Variants in GALNT13 observed in about 807,000 individuals in gnomAD.
GALNT13 encodes the protein polypeptide N-acetylgalactosaminyltransferase 13.
A neutral mutation model predicts 64.2 loss-of-function variants in GALNT13; 28 were observed. That is an observed-to-expected ratio of 0.44 (90% confidence interval 0.32 to 0.60). The LOEUF (loss-of-function observed/expected upper bound fraction) is 0.60, where lower values mean the gene tolerates loss of function less well. Among genes scored for constraint, GALNT13 ranks in the 20% least tolerant of loss-of-function variants. The pLI, the probability that GALNT13 is intolerant of heterozygous loss-of-function variation, is 0.05. For missense variants in GALNT13, 577 were observed against 669.8 expected (o/e 0.86, Z 1.53); for synonymous variants, 214 against 224.6 (o/e 0.95, Z 0.42).
At chr2:153,544,612 A>C in the GALNT13 span, among the ~76,000 whole-genome samples, 1 of 152,326 alleles carries the variant, frequency 6.6e-6, no homozygotes, top group East Asian at 1.9e-4. Context: ...AAACTAAGAA[A>C]AATTTTTGTC....
At chr2:153,125,682 T>G in the GALNT13 span, among the ~76,000 whole-genome samples, 2 of 152,220 alleles carry the variant, frequency 1.3e-5, no homozygotes, top group African/African-American at 4.8e-5. Context: ...AATGTAATTA[T>G]GTGAAATACA....
chr2:153,358,467 A>G, the GALNT13 span, among the ~76,000 whole-genome samples: 1 of 152,172 alleles, frequency 6.6e-6, no homozygotes, highest in Admixed American at 6.5e-5. Flanking sequence ...CTCCCAGATA[A>G]TTGGTACCTG....
At chr2:154,202,386 C>G (rs745390690) in intron 4 of GALNT13, among the ~76,000 whole-genome samples, 41 of 152,028 alleles carry the variant, frequency 2.7e-4, no homozygotes, top group Non-Finnish European at 5.0e-4. Flanking sequence ...TCCTTGAGAT[C>G]ACACTTCTAC....
intron 8 of GALNT13, among the ~76,000 whole-genome samples, chr2:154,295,758 G>A (rs1692887064): frequency 6.6e-6 from 1 of 152,062 alleles, no homozygotes; most frequent in Admixed American, 6.6e-5. Flanking sequence ...CTAGGCCCAT[G>A]ATGAAAGAGG....
intron 3 of GALNT13, among the ~76,000 whole-genome samples, chr2:154,042,890 G>A (rs1699062268): frequency 6.6e-6 from 1 of 151,902 alleles, no homozygotes; most frequent in Admixed American, 6.6e-5. Context: ...ATCTTAGTCT[G>A]GCGGGAAGGC....
the GALNT13 span, among the ~76,000 whole-genome samples, chr2:153,847,669 T>C: frequency 6.6e-6 from 1 of 152,102 alleles, no homozygotes; most frequent in East Asian, 1.9e-4. Context: ...GAAAATATTT[T>C]GAGTTAAGTG....
the GALNT13 span, among the ~76,000 whole-genome samples, chr2:153,265,560 T>C: frequency 6.6e-6 from 1 of 152,174 alleles, no homozygotes; most frequent in Non-Finnish European, 1.5e-5. Flanking sequence ...GGGGGAGTGG[T>C]TGTATAGGTG....
the GALNT13 span, among the ~76,000 whole-genome samples, chr2:153,560,881 T>G: frequency 2.6e-5 from 4 of 152,126 alleles, no homozygotes; most frequent in African/African-American, 9.6e-5. Flanking sequence ...TTGAATTAAT[T>G]ACATTTACAA....
the GALNT13 span, among the ~76,000 whole-genome samples, chr2:153,509,379 C>G: frequency 2.6e-5 from 4 of 152,230 alleles, no homozygotes; most frequent in Non-Finnish European, 5.9e-5. Context: ...CTGGCGGAGC[C>G]TCCCCTGCTG....
At chr2:153,365,007 G>A in the GALNT13 span, among the ~76,000 whole-genome samples, 1 of 152,180 alleles carries the variant, frequency 6.6e-6, no homozygotes, top group African/African-American at 2.4e-5. Context: ...GAAGCCTACA[G>A]TAACCAAAAC....
the GALNT13 span, among the ~76,000 whole-genome samples, chr2:153,704,614 G>T: frequency 6.6e-6 from 1 of 152,112 alleles, no homozygotes; most frequent in Non-Finnish European, 1.5e-5. Flanking sequence ...GTTTGAGTGT[G>T]CATGTGATTT....
chr2:153,990,033 T>C (rs2105185626), intron 3 of GALNT13, among the ~76,000 whole-genome samples: 1 of 152,032 alleles, frequency 6.6e-6, no homozygotes, highest in Non-Finnish European at 1.5e-5. Flanking sequence ...CCCAGAGGAG[T>C]CATAGAGTAA....
Position 154,091,731 on chromosome 2 carries a change from A to T in GALNT13, c.143-48606A>T, listed in dbSNP as rs111574933. Among the ~76,000 whole-genome samples the T allele has an allele frequency of 2.6e-3, 392 of 152,070 alleles. 1 individual carries two copies. Among genetic ancestry groups the T allele is most frequent in the African/African-American group, 9.0e-3 (372 of 41,558 alleles). On this transcript the variant is annotated intron_variant, in intron 3 of 12. Coordinates refer to ENST00000392825, the MANE Select transcript of GALNT13 (RefSeq NM_052917.4). ...AATGTTAGTAAACTGCTTATTCAGA[A>T]TCAGTCATTTCTGTTAGAAGATAAA...
At chr2:154,343,606 A>G (rs189278637) in intron 9 of GALNT13, among the ~76,000 whole-genome samples, 1 of 152,066 alleles carries the variant, frequency 6.6e-6, no homozygotes, top group Admixed American at 6.6e-5. Context: ...CCTGTCCAGC[A>G]TGCCTTTTGT....
chr2:153,203,856 C>A, the GALNT13 span, among the ~76,000 whole-genome samples: 2 of 134,784 alleles, frequency 1.5e-5, no homozygotes, highest in African/African-American at 2.6e-5. Flanking sequence ...AAAATAGGGA[C>A]ACAATATGTA....
At chr2:153,893,735 A>G (rs887252444) in intron 1 of GALNT13, among the ~76,000 whole-genome samples, 3 of 152,110 alleles carry the variant, frequency 2.0e-5, no homozygotes, top group African/African-American at 7.2e-5. Flanking sequence ...TCATATGGAC[A>G]AGCCATAATT....
At chr2:154,250,101 G>T (rs1689991315) in intron 7 of GALNT13, among the ~76,000 whole-genome samples, 1 of 151,934 alleles carries the variant, frequency 6.6e-6, no homozygotes, top group Non-Finnish European at 1.5e-5. Flanking sequence ...CTATAAAATG[G>T]AAAATTATTC....
intron 4 of GALNT13, among the ~76,000 whole-genome samples, chr2:154,227,870 AT>A (rs141111827): frequency 0.14 from 21,585 of 151,878 alleles, 1,543 homozygotes; most frequent in Middle Eastern, 0.18. Flanking sequence ...TTATTATTAT[AT>A]TTGCATGGCT....
At chr2:153,671,778 C>A in the GALNT13 span, among the ~76,000 whole-genome samples, 2 of 151,984 alleles carry the variant, frequency 1.3e-5, no homozygotes, top group South Asian at 2.1e-4. Context: ...AGAGTCAAGA[C>A]CCGTTGGTGT....
Sources: allele counts gnomAD v4.1 joint callset (sites outside exome capture counted in the v4.1 genomes callset), GRCh38; gene constraint gnomAD v4.1.1; transcripts MANE v1.5; gene names NCBI Gene and HGNC (gene_info 2026-07-23, HGNC 2026-07-21).